The following MGAT4B variants were observed in gnomAD, a reference collection of about 807,000 sequenced individuals.
MGAT4B encodes N-acetylglucosaminyltransferase IVb.
Under a neutral mutation model 73.9 loss-of-function variants are expected in MGAT4B, and 38 were observed. That is an observed-to-expected ratio of 0.51 (90% CI 0.40 to 0.67). The LOEUF (loss-of-function observed/expected upper bound fraction) is 0.67, where lower values mean the gene tolerates loss of function less well. Among genes scored for constraint, MGAT4B ranks in the 30% least tolerant of loss-of-function variants. The pLI is 0.00. For missense variants in MGAT4B, 686 were observed against 735.2 expected (o/e 0.93, Z 0.77); for synonymous variants, 373 against 313.5 (o/e 1.19, Z -2.01).
intron 1 of MGAT4B, chr5:179,803,109 G>A (rs531344374): frequency 3.0e-6 from 3 of 985,534 alleles, no homozygotes; most frequent in African/African-American, 3.5e-5. Flanking sequence ...GCAGGAGGTC[G>A]AAGTGCCAAG....
In MGAT4B at chr5:179,797,914, C is replaced by T. The variant is rs990156600; in HGVS notation, c.*131G>A. Reference sequence around the variant, plus strand: ...TCCGGGCCAGCGGCGGACCCCAGGCCGGCCCAAGCCCGACGCCAGGCAGAA... The same window carrying T: ...TCCGGGCCAGCGGCGGACCCCAGGCTGGCCCAAGCCCGACGCCAGGCAGAA... On this transcript the variant is annotated 3_prime_UTR_variant, in exon 15 of 15. Coordinates refer to ENST00000292591, the MANE Select transcript of MGAT4B (RefSeq NM_014275.5). 18 of 1,328,554 alleles carry T rather than the reference C, an allele frequency of 1.4e-5. No homozygotes were observed. In the African/African-American group the frequency reaches 1.6e-4, roughly 12 times the overall value. 82.3% of individuals were successfully genotyped at this position (1,328,554 alleles called of 1,614,324 possible). A position where few individuals can be genotyped will look rare whatever the true frequency, so the allele number is the denominator to read the frequency against.
In MGAT4B at chr5:179,800,348, C is replaced by A. The variant is rs1254631957; in HGVS notation, c.720-89G>T. The A allele has an allele frequency of 8.6e-6, 13 of 1,509,962 alleles. No homozygotes were observed. In the Admixed American group the frequency reaches 2.0e-4, roughly 23 times the overall value. 93.5% of individuals were successfully genotyped at this position (1,509,962 alleles called of 1,614,324 possible). ...AAGCCGCTGGGTGGGCAGCTTCTGT[C>A]CCCCCACCCCCATGCACGGGTCCTC... On this transcript the variant is annotated intron_variant, in intron 6 of 14. Coordinates refer to ENST00000292591, the MANE Select transcript of MGAT4B (RefSeq NM_014275.5).
chr5:179,797,999 T>C lies in MGAT4B; in HGVS notation c.*46A>G, dbSNP rs1454838694. 8.2e-6 allele frequency: 13 copies of C among 1,589,526 alleles called. No individual in the cohort carries two copies. Among genetic ancestry groups the C allele is most frequent in the East Asian group, 4.6e-5 (2 of 43,870 alleles). ...ACGGCAGTGACGACACCCCCAGAAATGTGGGCTTCAGGGCTGGCCACAGGG... is the reference window on the plus strand; with the variant it reads ...ACGGCAGTGACGACACCCCCAGAAACGTGGGCTTCAGGGCTGGCCACAGGG... On this transcript the variant is annotated 3_prime_UTR_variant, in exon 15 of 15. Transcript: ENST00000292591.
Position 179,799,978 on chromosome 5 carries a change from C to G in MGAT4B, c.886G>C (p.Glu296Gln). The G allele has an allele frequency of 6.2e-7, 1 of 1,613,916 alleles. No homozygotes were observed. The highest frequency in any genetic ancestry group is 8.5e-7 in the Non-Finnish European group (1 of 1,179,978). The change falls in exon 8 of 15, where the codon GAG becomes CAG. Residue 296 changes from glutamate to glutamine, a missense_variant. Glu to Gln is a conservative substitution (Grantham distance 29, BLOSUM62 2). Coordinates refer to ENST00000292591, the MANE Select transcript of MGAT4B (RefSeq NM_014275.5). ...QQPSEDWMIL[E>Q]FSQLGFIGKM... is the part of the protein sequence containing the mutation. ...CCAATGAAGCCCAGCTGGGAGAACT[C>G]CAGGATCATCCAGTCCTCTGAAGGC...
intron 1 of MGAT4B, chr5:179,803,036 C>T: frequency 2.0e-6 from 2 of 985,486 alleles, no homozygotes; most frequent in Non-Finnish European, 2.4e-6. Context: ...CAGCCCTGTG[C>T]ATGATCAAGG....
At position 179,805,966 on chromosome 5, in the gene MGAT4B, GCCTCAGGACGCCTCCCTCCCTCCCTC is replaced by G. The variant is rs1562624938; in HGVS notation, c.97+495_97+520del. Among the ~76,000 whole-genome samples, 4 of 140,292 alleles carry G rather than the reference GCCTCAGGACGCCTCCCTCCCTCCCTC, an allele frequency of 2.9e-5. No individual in the cohort carries two copies. In the Admixed American group the frequency reaches 2.9e-4, roughly 10 times the overall value. 92.0% of individuals were successfully genotyped at this position (140,292 alleles called of 152,430 possible). On this transcript the variant is annotated intron_variant, in intron 1 of 14. Transcript: ENST00000292591. ...AGCGCAGGGCAGCAGGGGCCGGGCT[GCCTCAGGACGCCTCCCTCCCTCCCTC>G]CCTCCCTCCCACAGGCCGGATGCTG... is the stretch of plus-strand genomic sequence containing the variant.
chr5:179,800,142 C>T (rs759017769), intron 7 of MGAT4B, 42 bp downstream of exon 7: 38 of 1,611,034 alleles, frequency 2.4e-5, no homozygotes, highest in South Asian at 7.7e-5. Flanking sequence ...CAGGGCAGGG[C>T]GGCGCAGGGC....
In MGAT4B at chr5:179,800,264, G is replaced by A. The variant is rs779657783; in HGVS notation, c.720-5C>T. 24 of 1,613,176 alleles carry A rather than the reference G, an allele frequency of 1.5e-5. No homozygotes were observed. The highest frequency in any genetic ancestry group is 1.9e-5 in the Non-Finnish European group (23 of 1,179,978). ...AGGTTCTGTTTGGTCCTCCACCTGT[G>A]GGCCGGGGCGGGGCCTCAGAAGTTC... On this transcript the variant is annotated splice_region_variant and splice_polypyrimidine_tract_variant and intron_variant, in intron 6 of 14. Transcript: ENST00000292591.
Position 179,801,285 on chromosome 5 carries a change from G to A in MGAT4B, c.558+49C>T, listed in dbSNP as rs1187693770. On this transcript the variant is annotated intron_variant, in intron 4 of 14. Transcript: ENST00000292591. The surrounding 1 kb of genome is among the most constrained non-coding windows in gnomAD (Gnocchi z 4.8). ...TGGTTCCTGCTGTCAGTTCTGCACC[G>A]CGGGGGCTCCTCTGAATGTCCCCCA... The A allele has an allele frequency of 3.8e-6, 6 of 1,571,310 alleles. No individual in the cohort carries two copies. The Admixed American group carries it at 5.2e-5, about 14-fold the overall frequency.
chr5:179,802,932 C>T (rs1757010029), intron 1 of MGAT4B: 6 of 985,402 alleles, frequency 6.1e-6, no homozygotes, highest in African/African-American at 1.7e-5. Context: ...GAAGCCTGAC[C>T]GAACTCCCTC....
Position 179,806,137 on chromosome 5 carries a change from C to A in MGAT4B, c.97+350G>T. 6.5e-6 allele frequency: 1 copy of A among 153,030 alleles called. No homozygotes were observed. Among genetic ancestry groups the A allele is most frequent in the Non-Finnish European group, 1.5e-5 (1 of 68,726 alleles). 9.5% of individuals were successfully genotyped at this position (153,030 alleles called of 1,614,324 possible). ...GGTGCCCTCGCGCCTGTGTCCCTCACGCCGCCCCAGCTCCTGCCCAGGTGG... is the reference window on the plus strand; with the variant it reads ...GGTGCCCTCGCGCCTGTGTCCCTCAAGCCGCCCCAGCTCCTGCCCAGGTGG... On this transcript the variant is annotated intron_variant, in intron 1 of 14. Transcript: ENST00000292591. This position sits in a 1 kb window ranked among gnomAD's most constrained non-coding sequence, Gnocchi z 4.6.
Position 179,801,507 on chromosome 5 carries a change from G to C in MGAT4B, c.425-40C>G, listed in dbSNP as rs1175598384. On this transcript the variant is annotated intron_variant, in intron 3 of 14. Coordinates refer to ENST00000292591, the MANE Select transcript of MGAT4B (RefSeq NM_014275.5). This position sits in a 1 kb window ranked among gnomAD's most constrained non-coding sequence, Gnocchi z 4.8. Reference sequence around the variant, plus strand: ...GGCCCGACGCTGGAAAGGGTGCGGGGGCCACCCGTCCCCCCACCCCGTGCT... The same window carrying C: ...GGCCCGACGCTGGAAAGGGTGCGGGCGCCACCCGTCCCCCCACCCCGTGCT... 6.2e-7 allele frequency: 1 copy of C among 1,602,900 alleles called. No homozygotes were observed. Among genetic ancestry groups the C allele is most frequent in the Non-Finnish European group, 8.5e-7 (1 of 1,172,924 alleles).
At position 179,798,911 on chromosome 5, in the gene MGAT4B, A is replaced by T. The variant is rs750774332; in HGVS notation, c.1343+17T>A. ...CCAGCCCCGCCCCCATCGCAGACCC[A>T]TGGTGCTGGCACTGACCGCTCCAGT... On this transcript the variant is annotated intron_variant, in intron 11 of 14. Transcript: ENST00000292591. 7 of 1,613,104 alleles carry T rather than the reference A, an allele frequency of 4.3e-6. No individual in the cohort carries two copies. Among genetic ancestry groups the T allele is most frequent in the African/African-American group, 1.3e-5 (1 of 74,946 alleles).
chr5:179,804,087 C>T (rs1562621263), intron 1 of MGAT4B, among the ~76,000 whole-genome samples: 1 of 152,256 alleles, frequency 6.6e-6, no homozygotes, highest in East Asian at 1.9e-4. Context: ...GGCCTGGAGG[C>T]TGTGTCACCC....
At chr5:179,802,284 GGAACAGCCTCAGA>G in intron 1 of MGAT4B, 1 of 1,413,246 alleles carries the variant, frequency 7.1e-7, no homozygotes, top group South Asian at 1.6e-5. Flanking sequence ...AGCAAGGGCT[GGAACAGCCTCAGA>G]CTGAATCCGC....
intron 11 of MGAT4B, 154 bp downstream of exon 11, chr5:179,798,774 G>A (rs971385498): frequency 2.8e-6 from 3 of 1,087,768 alleles, no homozygotes; most frequent in Admixed American, 4.4e-5. Flanking sequence ...GCTCCTAGGG[G>A]CTGCCTGACT....
chr5:179,803,242 G>T (rs746780937), intron 1 of MGAT4B: 6 of 985,184 alleles, frequency 6.1e-6, no homozygotes, highest in Non-Finnish European at 7.2e-6. Flanking sequence ...TCCACACCCT[G>T]CCTCTCTGGG....
intron 5 of MGAT4B, 136 bp downstream of exon 5, chr5:179,800,771 C>T (rs1562613172): frequency 9.1e-7 from 1 of 1,095,476 alleles, no homozygotes; most frequent in Non-Finnish European, 1.3e-6. Context: ...TCTGCACACC[C>T]ACCCCTCCCC....
In MGAT4B at chr5:179,799,318, G is replaced by A. The variant is rs775960669; in HGVS notation, c.1042-8C>T. On this transcript the variant is annotated splice_region_variant and splice_polypyrimidine_tract_variant and intron_variant, in intron 9 of 14. Transcript: ENST00000292591. ...CTGCCGGTCACAGTGCTTCTGTGGA[G>A]GGTGGGCAACACCCCAGGGCTCGGC... is the stretch of plus-strand genomic sequence containing the variant. 4 of 1,613,206 alleles carry A rather than the reference G, an allele frequency of 2.5e-6. No individual in the cohort carries two copies. The East Asian group carries it at 6.7e-5, about 27-fold the overall frequency.
Sources: allele counts gnomAD v4.1 joint callset (sites outside exome capture counted in the v4.1 genomes callset), GRCh38; gene constraint gnomAD v4.1.1; non-coding constraint Gnocchi (gnomAD v3.1); transcripts MANE v1.5; gene names NCBI Gene and HGNC (gene_info 2026-07-23, HGNC 2026-07-21).